TENM1: variants seen among roughly 807,000 people sequenced by gnomAD.
TENM1 encodes teneurin-1.
TENM1 carries 35 observed loss-of-function variants against 174.8 expected under a neutral mutation model. The ratio of observed to expected loss-of-function variants is 0.20; its 90% CI spans 0.15 to 0.27. The LOEUF (loss-of-function observed/expected upper bound fraction) is 0.27. Ranked by LOEUF, TENM1 falls within the 10% of genes least tolerant of loss-of-function variation. TENM1 has a pLI of 1.00. For synonymous variants in TENM1, 781 were observed against 798.7 expected (o/e 0.98, Z 0.37); for missense variants, 1,633 against 2,130.1 (o/e 0.77, Z 4.59).
intron 11 of TENM1, among the ~76,000 whole-genome samples, chrX:124,583,983 G>C (rs2049411879): frequency 9.2e-6 from 1 of 109,247 alleles, no homozygotes; most frequent in Admixed American, 9.8e-5. Flanking sequence ...GAAGTTTAGA[G>C]AAAAAAGAAT....
chrX:124,382,938 CTATT>C (rs3028397), intron 30 of TENM1, 126 bp from the exon 34 acceptor site: 12,784 of 139,621 alleles, frequency 0.092, 561 homozygotes, highest in Middle Eastern at 0.19. Context: ...AATAAAACTC[CTATT>C]TATTTATTTA....
intron 1 of TENM1, among the ~76,000 whole-genome samples, chrX:124,909,802 G>T (rs1301839792): frequency 8.9e-6 from 1 of 112,069 alleles, no homozygotes; most frequent in African/African-American, 3.2e-5. Flanking sequence ...GGAGAGTTTT[G>T]AAATTATTTA....
At chrX:124,689,407 T>G (rs1953002817) in intron 5 of TENM1, among the ~76,000 whole-genome samples, 1 of 111,987 alleles carries the variant, frequency 8.9e-6, no homozygotes, top group Non-Finnish European at 1.9e-5. Flanking sequence ...GTTAGACAAA[T>G]GACTATATAC....
At chrX:125,009,654 TC>T in the TENM1 span, among the ~76,000 whole-genome samples, 1 of 111,789 alleles carries the variant, frequency 8.9e-6, no homozygotes, top group Non-Finnish European at 1.9e-5. Flanking sequence ...GCAAACTGAA[TC>T]CAGCAGCACA....
At chrX:125,135,201 T>C in the TENM1 span, among the ~76,000 whole-genome samples, 3 of 111,838 alleles carry the variant, frequency 2.7e-5, no homozygotes, top group Non-Finnish European at 5.6e-5. Context: ...GTTTCATCCT[T>C]AACACAACTT....
the TENM1 span, among the ~76,000 whole-genome samples, chrX:125,072,974 G>A: frequency 9.0e-6 from 1 of 111,048 alleles, no homozygotes; most frequent in South Asian, 3.7e-4. Flanking sequence ...ATTAAAAAAA[G>A]TTACTCATGA....
chrX:124,521,113 C>T (rs1368638654), intron 17 of TENM1, among the ~76,000 whole-genome samples: 3 of 111,310 alleles, frequency 2.7e-5, no homozygotes, highest in Non-Finnish European at 5.7e-5. Context: ...AAGATCATAC[C>T]GCTGAATGTC....
chrX:124,604,075 C>G (rs2050093270), intron 11 of TENM1, among the ~76,000 whole-genome samples: 1 of 111,137 alleles, frequency 9.0e-6, no homozygotes, highest in African/African-American at 3.3e-5. Context: ...CATCTTTGTA[C>G]TAACTTCTGT....
chrX:124,787,977 G>T (rs757125942), intron 3 of TENM1, among the ~76,000 whole-genome samples: 14 of 111,729 alleles, frequency 1.3e-4, no homozygotes, highest in Non-Finnish European at 2.1e-4. Flanking sequence ...GCAAGGAGGA[G>T]CAAGTCACAT....
intron 22 of TENM1, among the ~76,000 whole-genome samples, chrX:124,471,952 G>C (rs2061338498): frequency 9.3e-6 from 1 of 107,103 alleles, no homozygotes; most frequent in Admixed American, 1.1e-4. Flanking sequence ...GGAGTGGTTG[G>C]TTCTGGGTAT....
chrX:124,581,821 T>C lies in TENM1; in HGVS notation c.2078-16261A>G, dbSNP rs770029876. Among the ~76,000 whole-genome samples, 17 of 112,366 alleles carry C rather than the reference T, an allele frequency of 1.5e-4. No homozygotes were observed. The East Asian group carries it at 4.7e-3, about 31-fold the overall frequency. ...TGTGGAGCATTTTTTCATATGTTTG[T>C]TGGCTACTTGTATGTCTTCTTTAGA... On this transcript the variant is annotated intron_variant, in intron 11 of 31. Transcript: ENST00000422452.
chrX:124,598,769 T>A (rs1306826807), intron 11 of TENM1, among the ~76,000 whole-genome samples: 4 of 110,595 alleles, frequency 3.6e-5, no homozygotes, highest in African/African-American at 1.3e-4. Context: ...GGCTGAATGG[T>A]GTGGGAGGGA....
At chrX:125,020,855 A>G in the TENM1 span, among the ~76,000 whole-genome samples, 1 of 111,612 alleles carries the variant, frequency 9.0e-6, no homozygotes, top group East Asian at 2.8e-4. Context: ...AACACAGCCT[A>G]TGTTGTAAGC....
At chrX:124,627,785 T>C (rs1231656417) in intron 11 of TENM1, among the ~76,000 whole-genome samples, 1 of 112,206 alleles carries the variant, frequency 8.9e-6, no homozygotes, top group Non-Finnish European at 1.9e-5. Context: ...ACTCATTTTA[T>C]GACATTAAAA....
chrX:124,806,366 G>C lies in TENM1; in HGVS notation c.536-69169C>G, dbSNP rs771736953. ...ATTTGATTCATTGGATTTTAAGATG[G>C]AGAGAAGAAAGATAGAAGAGTAGAA... On this transcript the variant is annotated intron_variant, in intron 3 of 31. Coordinates refer to ENST00000422452, the Ensembl canonical transcript of TENM1. Among the ~76,000 whole-genome samples, 7 of 112,005 alleles carry C rather than the reference G, an allele frequency of 6.2e-5. No individual in the cohort carries two copies. The South Asian group carries it at 2.6e-3, about 41-fold the overall frequency.
intron 1 of TENM1, among the ~76,000 whole-genome samples, chrX:124,901,676 C>T (rs762124211): frequency 9.0e-6 from 1 of 110,556 alleles, no homozygotes. Context: ...AGAGCTCCCC[C>T]CAGTGTTGCC....
At chrX:124,394,696 T>C (rs1163223358) in intron 27 of TENM1, among the ~76,000 whole-genome samples, 2 of 112,740 alleles carry the variant, frequency 1.8e-5, no homozygotes, top group East Asian at 5.5e-4. Flanking sequence ...CTTCACTGTA[T>C]TTCATTTCAT....
At chrX:124,972,040 C>A in the TENM1 span, among the ~76,000 whole-genome samples, 1 of 109,666 alleles carries the variant, frequency 9.1e-6, no homozygotes, top group Admixed American at 9.8e-5. Context: ...TGAGAACAGC[C>A]TGGCCAACAT....
chrX:125,031,391 G>A, the TENM1 span, among the ~76,000 whole-genome samples: 1 of 111,566 alleles, frequency 9.0e-6, no homozygotes, highest in African/African-American at 3.3e-5. Context: ...TTAAGTAAAT[G>A]GCAATTGATC....
Sources: allele counts gnomAD v4.1 joint callset (sites outside exome capture counted in the v4.1 genomes callset), GRCh38; gene constraint gnomAD v4.1.1; transcripts MANE v1.5; gene names NCBI Gene and HGNC (gene_info 2026-07-23, HGNC 2026-07-21).